The following USP31 variants were observed in gnomAD, a reference collection of about 807,000 sequenced individuals.
USP31 encodes ubiquitin carboxyl-terminal hydrolase 31.
USP31 carries 44 observed loss-of-function variants against 119.4 expected under a neutral mutation model. The observed-to-expected ratio is 0.37, with a 90% CI of 0.29 to 0.47. The LOEUF (loss-of-function observed/expected upper bound fraction) is 0.47. Ranked by LOEUF, USP31 falls within the 20% of genes least tolerant of loss-of-function variation. The probability of loss-of-function intolerance (pLI) is 0.99; values close to 1 mark genes in which losing one functional copy is unlikely to be tolerated. For synonymous variants in USP31, 749 were observed against 705.6 expected (o/e 1.06, Z -0.97); for missense variants, 1,643 against 1,730.2 (o/e 0.95, Z 0.89).
At chr16:23,125,092 T>G (rs1467704969) in intron 1 of USP31, among the ~76,000 whole-genome samples, 1 of 152,202 alleles carries the variant, frequency 6.6e-6, no homozygotes, top group Non-Finnish European at 1.5e-5. Flanking sequence ...CCAGACCTGC[T>G]GTCACAGGCT....
intron 1 of USP31, 119 bp from the exon 2 acceptor site, chr16:23,108,302 G>A: frequency 2.2e-6 from 3 of 1,369,570 alleles, no homozygotes; most frequent in Middle Eastern, 2.1e-4. Context: ...ATACTTCCCA[G>A]AAGGAGTGCA....
In USP31 at chr16:23,068,211, A is replaced by G. The variant is rs765338392; in HGVS notation, c.3894T>C (p.Pro1298=). ...TGKEQLVTKD[P]ASAKHSLLSA... ...ACAGCAGGGAATGTTTGGCAGAAGC[A>G]GGGTCCTTGGTGACAAGCTGCTCTT... Residue 1298 remains proline, a synonymous_variant, in exon 16 of 16, where the codon CCT becomes CCC. Transcript: ENST00000219689. 6.2e-7 allele frequency: 1 copy of G among 1,614,212 alleles called. No homozygotes were observed. Among genetic ancestry groups the G allele is most frequent in the South Asian group, 1.1e-5 (1 of 91,086 alleles).
chr16:23,102,417 C>T lies in USP31; in HGVS notation c.1136G>A (p.Cys379Tyr), dbSNP rs1475154221. The change falls in exon 6 of 16, where the codon TGT (cysteine) becomes TAT (tyrosine). Residue 379 changes from cysteine to tyrosine, a missense_variant. Coordinates refer to ENST00000219689, the MANE Select transcript of USP31 (RefSeq NM_020718.4). ...MYYDGFHRSF[C>Y]DTDDLETVHE... is the part of the protein sequence containing the mutation. ...GACTGTTTCCAGGTCGTCTGTATCACAAAAGGAACGATGGAACCCATCATA... is the reference window on the plus strand; with the variant it reads ...GACTGTTTCCAGGTCGTCTGTATCATAAAAGGAACGATGGAACCCATCATA... 2.5e-6 allele frequency: 4 copies of T among 1,613,460 alleles called. No individual in the cohort carries two copies. The African/African-American group carries it at 5.3e-5, about 22-fold the overall frequency.
intron 1 of USP31, among the ~76,000 whole-genome samples, chr16:23,114,761 C>T (rs931795220): frequency 2.6e-5 from 4 of 152,138 alleles, no homozygotes; most frequent in Non-Finnish European, 5.9e-5. Flanking sequence ...GTAACTAGGG[C>T]AAAAACCATT....
In USP31 at chr16:23,149,299, G is replaced by A; in HGVS notation, c.-29C>T. 4 of 1,039,290 alleles carry A rather than the reference G, an allele frequency of 3.8e-6. No homozygotes were observed. The highest frequency in any genetic ancestry group is 4.6e-6 in the Non-Finnish European group (4 of 866,358). The allele number at this position is 1,039,290 out of a possible 1,614,324, so 64.4% of individuals were successfully genotyped here. On this transcript the variant is annotated 5_prime_UTR_variant, in exon 1 of 16. Coordinates refer to ENST00000219689, the MANE Select transcript of USP31 (RefSeq NM_020718.4). ...GGCGGCCGCAGACACTCATCACCGCGCCCGCCCGCCCGGCCCGCGGCCCCG... is the reference window on the plus strand; with the variant it reads ...GGCGGCCGCAGACACTCATCACCGCACCCGCCCGCCCGGCCCGCGGCCCCG...
At chr16:23,113,595 C>T (rs1902392826) in intron 1 of USP31, among the ~76,000 whole-genome samples, 1 of 152,098 alleles carries the variant, frequency 6.6e-6, no homozygotes, top group African/African-American at 2.4e-5. Context: ...AGGTTGCTTG[C>T]TCATATAATC....
chr16:23,104,379 A>C (rs1423049029), intron 5 of USP31, among the ~76,000 whole-genome samples: 1 of 152,242 alleles, frequency 6.6e-6, no homozygotes, highest in Non-Finnish European at 1.5e-5. Flanking sequence ...AATTTAAACC[A>C]CATGCAAAAG....
chr16:23,133,377 G>A (rs1903086941), intron 1 of USP31, among the ~76,000 whole-genome samples: 1 of 152,132 alleles, frequency 6.6e-6, no homozygotes, highest in Admixed American at 6.5e-5. Context: ...TAATCAACAC[G>A]TTGTGCACCT....
chr16:23,087,332 C>T (rs1901154053), intron 8 of USP31, 146 bp from the exon 9 acceptor site: 1 of 680,864 alleles, frequency 1.5e-6, no homozygotes, highest in South Asian at 2.0e-5. Context: ...GGTTGTTGAG[C>T]CACTCTAATA....
rs758734580 is a variant in USP31 at position 23,080,035 on chromosome 16, T to C, written c.2087A>G (p.Tyr696Cys). ...GTCCTCAGGGTCCCTCCCGAGTCCA[T>C]AGGGCCGTCTCCACGGGGACCAATG... The part of the protein sequence containing the change: ...PSHWSPWRRP[Y>C]GLGRDPEDYI... The change falls in exon 13 of 16, where the codon TAT (tyrosine) becomes TGT (cysteine). Residue 696 changes from tyrosine (Y) to cysteine (C), a missense_variant. Transcript: ENST00000219689. The C allele has an allele frequency of 1.9e-5, 31 of 1,613,892 alleles. No homozygotes were observed. Among genetic ancestry groups the C allele is most frequent in the African/African-American group, 4.0e-5 (3 of 74,870 alleles).
At chr16:23,071,821 G>T (rs1416136893) in intron 15 of USP31, among the ~76,000 whole-genome samples, 1 of 151,612 alleles carries the variant, frequency 6.6e-6, no homozygotes, top group Non-Finnish European at 1.5e-5. Context: ...GGAAAATAAT[G>T]AAGTGGAAGG....
In USP31 at chr16:23,108,042, T is replaced by C. The variant is rs765580035; in HGVS notation, c.771+4A>G. ...GACTGCCCTAGGGCAGCATGCGTCC[T>C]TACCTTCAGAGGAGGCTGGCCACTC... On this transcript the variant is annotated splice_donor_region_variant and intron_variant, in intron 2 of 15. Coordinates refer to ENST00000219689, the MANE Select transcript of USP31 (RefSeq NM_020718.4). 6.2e-6 allele frequency: 10 copies of C among 1,612,030 alleles called. No homozygotes were observed. The highest frequency in any genetic ancestry group is 7.6e-6 in the Non-Finnish European group (9 of 1,179,198).
At chr16:23,072,221 G>C in intron 14 of USP31, 24 bp from the exon 15 acceptor site, 3 of 1,596,214 alleles carry the variant, frequency 1.9e-6, no homozygotes, top group Non-Finnish European at 1.7e-6. Context: ...AACAGGCATA[G>C]AGGTCAGGCT....
chr16:23,120,127 TA>T (rs1902618692), intron 1 of USP31, among the ~76,000 whole-genome samples: 1 of 152,144 alleles, frequency 6.6e-6, no homozygotes, highest in Non-Finnish European at 1.5e-5. Context: ...AATTCAAAAC[TA>T]TAGTAAAACA....
intron 6 of USP31, among the ~76,000 whole-genome samples, chr16:23,100,634 G>T (rs1901808323): frequency 1.3e-5 from 2 of 152,154 alleles, no homozygotes; most frequent in African/African-American, 4.8e-5. Context: ...TTAGCCAGGT[G>T]TGGTGGCATG....
At chr16:23,089,976 T>C (rs1217508329) in intron 7 of USP31, among the ~76,000 whole-genome samples, 3 of 152,090 alleles carry the variant, frequency 2.0e-5, no homozygotes, top group Non-Finnish European at 4.4e-5. Context: ...CAAGTAGACA[T>C]GTTAACAATT....
intron 6 of USP31, among the ~76,000 whole-genome samples, chr16:23,092,968 C>T (rs1272492960): frequency 2.0e-5 from 3 of 152,058 alleles, no homozygotes; most frequent in Non-Finnish European, 4.4e-5. Context: ...GGTGCTGGGA[C>T]AAGTAAATAT....
At chr16:23,108,280 G>T in intron 1 of USP31, 97 bp from the exon 2 acceptor site, 1 of 1,472,176 alleles carries the variant, frequency 6.8e-7, no homozygotes, top group Non-Finnish European at 9.0e-7. Context: ...AAGATCTCAA[G>T]GGTGTTAGAG....
At chr16:23,125,173 G>A (rs767299838) in intron 1 of USP31, among the ~76,000 whole-genome samples, 5 of 152,150 alleles carry the variant, frequency 3.3e-5, no homozygotes, top group Non-Finnish European at 7.3e-5. Flanking sequence ...AGGAGTCAAT[G>A]GTTGTTAAAC....
Sources: gnomAD v4.1 joint callset for allele counts (sites outside exome capture counted in the v4.1 genomes callset) on GRCh38, gnomAD v4.1.1 for gene constraint, MANE v1.5 for transcripts, NCBI Gene and HGNC (gene_info 2026-07-23, HGNC 2026-07-21) for gene names.